CYRIB: variants seen among roughly 807,000 people sequenced by gnomAD.
CYRIB encodes CYFIP-related Rac1 interactor B.
CYRIB carries 8 observed loss-of-function variants against 44.2 expected under a neutral mutation model. The ratio of observed to expected loss-of-function variants is 0.18; its 90% CI spans 0.11 to 0.33. The LOEUF (loss-of-function observed/expected upper bound fraction) is 0.33. CYRIB is among the 10% of genes least tolerant of loss of function. CYRIB has a pLI of 1.00. For missense variants in CYRIB, 185 were observed against 382.8 expected (o/e 0.48, Z 4.31); for synonymous variants, 131 against 127.2 (o/e 1.03, Z -0.20).
At chr8:129,852,214 G>A in exon 8 of CYRIB, 1 of 1,570,300 alleles carries the variant, frequency 6.4e-7, no homozygotes, top group Non-Finnish European at 8.6e-7. Context: ...CATTGGAGTT[G>A]CCTCAGCATA....
chr8:129,997,080 G>A (rs148593469), intron 1 of CYRIB, among the ~76,000 whole-genome samples: 17,047 of 96,740 alleles, frequency 0.18, 1,270 homozygotes, highest in East Asian at 0.29. Flanking sequence ...GAGGGAGGGA[G>A]GGAGGGAAGG....
At chr8:129,849,444 A>C in intron 9 of CYRIB, 75 bp from the exon 12 acceptor site, 1 of 1,405,130 alleles carries the variant, frequency 7.1e-7, no homozygotes, top group Non-Finnish European at 9.6e-7. Context: ...ACACAAGAAA[A>C]ACCTCTTCTG....
chr8:129,977,744 G>A lies in CYRIB; in HGVS notation c.-295-6749C>T, dbSNP rs563362597. ...AGATGGGGTTTCACCGTGTTAGCCA[G>A]GATGGTCTCGATCTCCTGACCTCGT... On this transcript the variant is annotated intron_variant, in intron 1 of 14. Transcript: ENST00000401979. Among the ~76,000 whole-genome samples the A allele has an allele frequency of 3.3e-5, 5 of 152,202 alleles. No homozygotes were observed. The East Asian group carries it at 5.8e-4, about 18-fold the overall frequency.
At chr8:129,915,867 A>G (rs1315879447) in intron 1 of CYRIB, among the ~76,000 whole-genome samples, 4 of 152,174 alleles carry the variant, frequency 2.6e-5, no homozygotes, top group Non-Finnish European at 4.4e-5. Context: ...GAGTCTCCAG[A>G]AGAACTATCT....
chr8:129,861,558 C>T (rs1171419531), intron 5 of CYRIB, among the ~76,000 whole-genome samples: 1 of 151,986 alleles, frequency 6.6e-6, no homozygotes, highest in Admixed American at 6.5e-5. Flanking sequence ...CCCACCTCAG[C>T]CTCCAGAGTA....
chr8:129,849,250 T>C (rs762728334), exon 10 of CYRIB: 1 of 1,595,424 alleles, frequency 6.3e-7, no homozygotes, highest in Non-Finnish European at 8.5e-7. Flanking sequence ...TACATCAATT[T>C]TGGAAGTTTT....
chr8:129,856,584 T>C (rs2046314441), intron 5 of CYRIB, among the ~76,000 whole-genome samples: 1 of 152,190 alleles, frequency 6.6e-6, no homozygotes, highest in African/African-American at 2.4e-5. Flanking sequence ...CTGATGTTAA[T>C]AAATGTCAGA....
chr8:130,001,620 C>G (rs2133915997), intron 1 of CYRIB, among the ~76,000 whole-genome samples: 1 of 151,002 alleles, frequency 6.6e-6, no homozygotes, highest in South Asian at 2.1e-4. Context: ...CCTCCGCCTC[C>G]TGGGTTCAAG....
chr8:129,997,380 A>G (rs2096799164), intron 1 of CYRIB, among the ~76,000 whole-genome samples: 1 of 152,230 alleles, frequency 6.6e-6, no homozygotes. Flanking sequence ...AATTAAAGTC[A>G]AGGATTTGTG....
At chr8:129,992,019 G>A (rs1304610875) in intron 1 of CYRIB, among the ~76,000 whole-genome samples, 1 of 139,244 alleles carries the variant, frequency 7.2e-6, no homozygotes, top group Non-Finnish European at 1.5e-5. Flanking sequence ...GGTATGATCC[G>A]AGTAATACTT....
intron 3 of CYRIB, among the ~76,000 whole-genome samples, chr8:129,875,486 C>T (rs965724243): frequency 6.6e-6 from 1 of 152,088 alleles, no homozygotes; most frequent in Non-Finnish European, 1.5e-5. Flanking sequence ...GCTGGAATTA[C>T]AGCCATGAGC....
At chr8:130,002,650 A>C (rs915523686) in intron 1 of CYRIB, among the ~76,000 whole-genome samples, 1 of 152,202 alleles carries the variant, frequency 6.6e-6, no homozygotes, top group Non-Finnish European at 1.5e-5. Context: ...GTTTCCTATA[A>C]ATGACAGATG....
At chr8:129,952,058 T>A (rs74321860) in intron 2 of CYRIB, among the ~76,000 whole-genome samples, 91,207 of 151,864 alleles carry the variant, frequency 0.6, 27,746 homozygotes, top group East Asian at 0.72. Flanking sequence ...TTGTTTATTT[T>A]TTTTGAGACA....
upstream of CYRIB, among the ~76,000 whole-genome samples, chr8:129,942,122 C>T (rs535098762): frequency 3.3e-5 from 5 of 152,162 alleles, no homozygotes; most frequent in Admixed American, 6.6e-5. Flanking sequence ...AGGTGGATCA[C>T]GAGGTTAGGA....
intron 1 of CYRIB, among the ~76,000 whole-genome samples, chr8:129,994,111 G>A (rs1226341253): frequency 2.0e-5 from 3 of 152,184 alleles, no homozygotes; most frequent in Admixed American, 2.0e-4. Flanking sequence ...CAGATGTAAT[G>A]AGTTAGCATG....
intron 1 of CYRIB, among the ~76,000 whole-genome samples, chr8:130,013,445 G>A (rs924380968): frequency 2.0e-5 from 3 of 152,236 alleles, no homozygotes; most frequent in African/African-American, 7.2e-5. Context: ...GGGGCCGAGA[G>A]TGTAGTGACC....
At chr8:129,938,478 G>T (rs1420885718) in intron 1 of CYRIB, among the ~76,000 whole-genome samples, 1 of 152,192 alleles carries the variant, frequency 6.6e-6, no homozygotes, top group African/African-American at 2.4e-5. Context: ...GGGTAAAAAG[G>T]TGGCAAACTC....
chr8:129,861,123 G>A (rs928662176), intron 5 of CYRIB, among the ~76,000 whole-genome samples: 5 of 152,148 alleles, frequency 3.3e-5, no homozygotes, highest in African/African-American at 4.8e-5. Context: ...ATGGAAGTAC[G>A]TGTTTTAACT....
At chr8:129,854,320 A>C in exon 7 of CYRIB, 1 of 1,610,420 alleles carries the variant, frequency 6.2e-7, no homozygotes. Flanking sequence ...AGCTGAAATC[A>C]TTCTGTATGG....
Sources: gnomAD v4.1 joint callset for allele counts (sites outside exome capture counted in the v4.1 genomes callset) on GRCh38, gnomAD v4.1.1 for gene constraint, MANE v1.5 for transcripts, NCBI Gene and HGNC (gene_info 2026-07-23, HGNC 2026-07-21) for gene names.